Variants in ABI1 observed in about 807,000 individuals in gnomAD.
ABI1 encodes the protein Abelson interactor 1.
A neutral mutation model predicts 54.6 loss-of-function variants in ABI1; 14 were observed. The observed-to-expected ratio is 0.26, with a 90% confidence interval of 0.17 to 0.40. The LOEUF is 0.40. ABI1 is among the 10% of genes least tolerant of loss of function. The pLI, the probability that ABI1 is intolerant of heterozygous loss-of-function variation, is 1.00. For synonymous variants in ABI1, 194 were observed against 209.3 expected (o/e 0.93, Z 0.63); for missense variants, 443 against 598.3 (o/e 0.74, Z 2.71).
chr10:26,848,220 A>AAG (rs1554834069), intron 1 of ABI1, among the ~76,000 whole-genome samples: 108 of 139,418 alleles, frequency 7.7e-4, no homozygotes, highest in African/African-American at 2.3e-3. Flanking sequence ...AAAAAAAAAA[A>AAG]AAGAAGAAGA....
At chr10:26,765,105 C>T (rs540507492) in intron 7 of ABI1, 113 bp downstream of exon 7, 10 of 755,320 alleles carry the variant, frequency 1.3e-5, no homozygotes, top group Admixed American at 1.3e-4. Flanking sequence ...ATTCTAGCAA[C>T]GATCACAAAT....
chr10:26,841,399 CT>C (rs34398117), intron 1 of ABI1, among the ~76,000 whole-genome samples: 10,300 of 140,226 alleles, frequency 0.073, 317 homozygotes, highest in East Asian at 0.1. Flanking sequence ...ACATAGTTAC[CT>C]TTTTTTTTTT....
chr10:26,746,660 A>G lies in ABI1; in HGVS notation c.*1910T>C, dbSNP rs1836952164. On this transcript the variant is annotated 3_prime_UTR_variant, in exon 11 of 11. Transcript: ENST00000376140. The stretch of plus-strand genomic sequence containing the variant: ...TCAGAAAACTTTTTAAATGTAATTA[A>G]TAAACCACCTGAATCTGTCATTCTA... 1.7e-6 allele frequency: 1 copy of G among 598,200 alleles called. No individual in the cohort carries two copies. The highest frequency in any genetic ancestry group is 3.0e-6 in the Non-Finnish European group (1 of 337,636). The allele number at this position is 598,200 out of a possible 1,614,324, so 37.1% of individuals were successfully genotyped here.
Position 26,777,065 on chromosome 10 carries a change from C to A in ABI1, c.462G>T (p.Lys154Asn). Residue 154 changes from lysine to asparagine, a missense_variant and splice_region_variant, in exon 3 of 11, where the codon AAG becomes AAT. Coordinates refer to ENST00000376140, the MANE Select transcript of ABI1 (RefSeq NM_001012750.3). Reference sequence around the variant, plus strand: ...TGTTAATGTAATATAAAATGCTTACCTTGACACCATGGCCCACATCATCCA... The same window carrying A: ...TGTTAATGTAATATAAAATGCTTACATTGACACCATGGCCCACATCATCCA... ...TVLDDVGHGV[K>N]WLKAKHGNNQ... 6.3e-7 allele frequency: 1 copy of A among 1,582,972 alleles called. No individual in the cohort carries two copies. The highest frequency in any genetic ancestry group is 1.9e-5 in the Admixed American group (1 of 51,596).
intron 2 of ABI1, among the ~76,000 whole-genome samples, chr10:26,785,826 CCTCT>C (rs1277549671): frequency 1.3e-5 from 2 of 152,086 alleles, no homozygotes; most frequent in Non-Finnish European, 2.9e-5. Context: ...ACTGGTGGTC[CCTCT>C]CCTGTAACAG....
intron 3 of ABI1, among the ~76,000 whole-genome samples, chr10:26,772,524 T>C (rs1164555691): frequency 6.6e-6 from 1 of 152,010 alleles, no homozygotes; most frequent in Non-Finnish European, 1.5e-5. Context: ...AAAGAAGAAT[T>C]AGATTGGGAA....
At chr10:26,859,392 C>G (rs921797120) in intron 1 of ABI1, among the ~76,000 whole-genome samples, 1 of 152,192 alleles carries the variant, frequency 6.6e-6, no homozygotes, top group Non-Finnish European at 1.5e-5. Flanking sequence ...ACAGAAACAT[C>G]GGTTCTTAAA....
At chr10:26,787,747 TAAA>T (rs1360272883) in intron 2 of ABI1, among the ~76,000 whole-genome samples, 1 of 151,938 alleles carries the variant, frequency 6.6e-6, no homozygotes, top group African/African-American at 2.4e-5. Context: ...AGTCTGACAT[TAAA>T]AAACAATAAG....
chr10:26,763,487 T>G (rs1839498242), intron 7 of ABI1, among the ~76,000 whole-genome samples: 1 of 152,116 alleles, frequency 6.6e-6, no homozygotes, highest in Non-Finnish European at 1.5e-5. Flanking sequence ...ATCCCACACA[T>G]ATCGTTTGCC....
intron 2 of ABI1, among the ~76,000 whole-genome samples, chr10:26,806,117 T>G (rs903685700): frequency 6.6e-6 from 1 of 152,194 alleles, no homozygotes; most frequent in African/African-American, 2.4e-5. Flanking sequence ...TCAACTGTTA[T>G]TCCTTCAAGC....
At position 26,837,327 on chromosome 10, in the gene ABI1, T is replaced by C. The variant is rs114729708; in HGVS notation, c.118-14022A>G. Reference sequence around the variant, plus strand: ...CACATGGCAGAGAGAGACCAATCTCTGTTGTCATTTCCTCTTTTATAAGTA... The same window carrying C: ...CACATGGCAGAGAGAGACCAATCTCCGTTGTCATTTCCTCTTTTATAAGTA... On this transcript the variant is annotated intron_variant, in intron 1 of 10. Coordinates refer to ENST00000376140, the MANE Select transcript of ABI1 (RefSeq NM_001012750.3). Among the ~76,000 whole-genome samples the C allele has an allele frequency of 2.2e-3, 332 of 152,278 alleles. 3 individuals are homozygous for C. Among genetic ancestry groups the C allele is most frequent in the African/African-American group, 7.7e-3 (320 of 41,546 alleles).
chr10:26,796,064 G>C (rs1844116220), intron 2 of ABI1, among the ~76,000 whole-genome samples: 2 of 151,894 alleles, frequency 1.3e-5, no homozygotes, highest in South Asian at 4.2e-4. Context: ...ACTCCAGCCT[G>C]GGTGACGGAG....
At position 26,759,175 on chromosome 10, in the gene ABI1, T is replaced by G; in HGVS notation, c.884A>C (p.Asn295Thr). The change falls in exon 8 of 11, where the codon AAC (asparagine) becomes ACC (threonine). Residue 295 changes from asparagine to threonine, a missense_variant. Transcript: ENST00000376140. ...GTMTRQISRH[N>T]STTSSTSSGG... Reference sequence around the variant, plus strand: ...AGAAGATGTCGAAGAAGTAGTAGAGTTGTGTCGAGATATCTGCCTGGTCAT... The same window carrying G: ...AGAAGATGTCGAAGAAGTAGTAGAGGTGTGTCGAGATATCTGCCTGGTCAT... 1 of 1,613,720 alleles carries G rather than the reference T, an allele frequency of 6.2e-7. No homozygotes were observed. The highest frequency in any genetic ancestry group is 2.2e-5 in the East Asian group (1 of 44,850).
rs58739177 is a variant in ABI1, at chr10:26,773,215, C to CTTTTTTTTT, written c.463-2135_463-2127dup. 4.4e-4 allele frequency among the ~76,000 whole-genome samples: 41 copies of CTTTTTTTTT among 92,502 alleles called. 10 individuals carry two copies. Among genetic ancestry groups the CTTTTTTTTT allele is most frequent in the African/African-American group, 1.2e-3 (26 of 22,198 alleles). The allele number at this position is 92,502 out of a possible 152,430, so 60.7% of individuals were successfully genotyped here. On this transcript the variant is annotated intron_variant, in intron 3 of 10. Transcript: ENST00000376140. The stretch of plus-strand genomic sequence containing the variant: ...AGGCACTAAATGTCTAATGCTAATT[C>CTTTTTTTTT]TTTTTTTTTTTTTGCTGGCTCTGTT...
At chr10:26,818,778 T>C (rs2047766925) in intron 2 of ABI1, among the ~76,000 whole-genome samples, 1 of 151,836 alleles carries the variant, frequency 6.6e-6, no homozygotes, top group Non-Finnish European at 1.5e-5. Flanking sequence ...GATCACGAGG[T>C]CAGGGGTTCA....
At chr10:26,840,121 T>C (rs750792353) in intron 1 of ABI1, among the ~76,000 whole-genome samples, 19 of 152,224 alleles carry the variant, frequency 1.2e-4, no homozygotes, top group Non-Finnish European at 2.1e-4. Context: ...AAACCTCATG[T>C]TGAAATATGA....
chr10:26,826,939 A>G (rs1443870103), intron 1 of ABI1, among the ~76,000 whole-genome samples: 5 of 150,098 alleles, frequency 3.3e-5, no homozygotes, highest in Admixed American at 2.7e-4. Context: ...TTTGAGACGG[A>G]GTCTCGCTCT....
At chr10:26,820,589 T>C (rs1326174341) in intron 2 of ABI1, among the ~76,000 whole-genome samples, 3 of 100,526 alleles carry the variant, frequency 3.0e-5, no homozygotes, top group African/African-American at 7.8e-5. Flanking sequence ...GCTAATGCAC[T>C]TTTTTTTTTT....
At chr10:26,816,943 A>G (rs2047601445) in intron 2 of ABI1, among the ~76,000 whole-genome samples, 2 of 151,352 alleles carry the variant, frequency 1.3e-5, no homozygotes, top group African/African-American at 4.9e-5. Flanking sequence ...TCAACTAAAA[A>G]CTAGGTTCTA....
Sources: allele counts gnomAD v4.1 joint callset (sites outside exome capture counted in the v4.1 genomes callset), GRCh38; gene constraint gnomAD v4.1.1; transcripts MANE v1.5; gene names NCBI Gene and HGNC (gene_info 2026-07-23, HGNC 2026-07-21).